The following SNTG1 variants were observed in gnomAD, a reference collection of about 807,000 sequenced individuals.
SNTG1 encodes syntrophin gamma 1.
A neutral mutation model predicts 74.7 loss-of-function variants in SNTG1; 39 were observed. The ratio of observed to expected loss-of-function variants is 0.52; its 90% confidence interval spans 0.40 to 0.68. The LOEUF is 0.68. SNTG1 is among the 30% of genes least tolerant of loss of function. The pLI, the probability that SNTG1 is intolerant of heterozygous loss-of-function variation, is 0.00. For missense variants in SNTG1, 685 were observed against 609.5 expected (o/e 1.12, Z -1.30); for synonymous variants, 254 against 217.1 (o/e 1.17, Z -1.49).
At chr8:50,070,130 A>G (rs1249106666) in intron 1 of SNTG1, among the ~76,000 whole-genome samples, 2 of 152,212 alleles carry the variant, frequency 1.3e-5, no homozygotes. Flanking sequence ...TTAATAAGGT[A>G]TTTTAATGCA....
chr8:50,530,433 T>G (rs560764256), intron 10 of SNTG1, among the ~76,000 whole-genome samples, 174 bp downstream of exon 10: 1 of 152,310 alleles, frequency 6.6e-6, no homozygotes, highest in East Asian at 1.9e-4. Flanking sequence ...ATGCCATTTT[T>G]TTCCCCTCTC....
chr8:50,755,497 C>A (rs2131715359), intron 18 of SNTG1, among the ~76,000 whole-genome samples: 1 of 151,864 alleles, frequency 6.6e-6, no homozygotes, highest in African/African-American at 2.4e-5. Flanking sequence ...TTTATTTATC[C>A]ATTCACCTAC....
intron 1 of SNTG1, among the ~76,000 whole-genome samples, chr8:49,923,687 A>G (rs569036299): frequency 6.6e-6 from 1 of 152,252 alleles, no homozygotes; most frequent in East Asian, 1.9e-4. Flanking sequence ...AAACAACTGG[A>G]ACAAATCCAA....
chr8:50,684,834 C>T (rs1453322713), intron 15 of SNTG1, among the ~76,000 whole-genome samples: 1 of 149,986 alleles, frequency 6.7e-6, no homozygotes, highest in Non-Finnish European at 1.5e-5. Context: ...TGCGCTGCAC[C>T]CACTAACTCG....
chr8:50,430,044 G>A (rs926951763), intron 4 of SNTG1, among the ~76,000 whole-genome samples: 1 of 152,190 alleles, frequency 6.6e-6, no homozygotes, highest in South Asian at 2.1e-4. Flanking sequence ...AAAACAGTCT[G>A]ACAATTCCCA....
Position 50,785,949 on chromosome 8 carries a change from A to G in SNTG1, c.1396-6722A>G, listed in dbSNP as rs1490337077. ...TCATAGATTCAAAAATAAGAAAAAA[A>G]TAAATACCATTTCATAATAAGTATA... On this transcript the variant is annotated intron_variant, in intron 18 of 18. Transcript: ENST00000642720. Among the ~76,000 whole-genome samples the G allele has an allele frequency of 3.9e-5, 6 of 152,050 alleles. No individual in the cohort carries two copies. The East Asian group carries it at 1.2e-3, about 29-fold the overall frequency.
chr8:50,052,885 A>T (rs1330647782), intron 1 of SNTG1, among the ~76,000 whole-genome samples: 1 of 152,168 alleles, frequency 6.6e-6, no homozygotes, highest in Non-Finnish European at 1.5e-5. Context: ...GTCCACTAGG[A>T]TGGCCATTGC....
Position 50,794,559 on chromosome 8 carries a change from A to G in SNTG1, c.*1730A>G, listed in dbSNP as rs950138642. 1.3e-5 allele frequency: 2 copies of G among 152,044 alleles called. No individual in the cohort carries two copies. Among genetic ancestry groups the G allele is most frequent in the Non-Finnish European group, 2.9e-5 (2 of 67,956 alleles). 9.4% of individuals were successfully genotyped at this position (152,044 alleles called of 1,614,324 possible). ...TAGAACTTTAGAATTATTGCACACT[A>G]TATTGATCAAATACAACAGTCATTG... On this transcript the variant is annotated 3_prime_UTR_variant, in exon 19 of 19. Transcript: ENST00000642720.
At chr8:50,100,389 TTATTA>T (rs1205070547) in intron 1 of SNTG1, among the ~76,000 whole-genome samples, 1 of 151,982 alleles carries the variant, frequency 6.6e-6, no homozygotes, top group Non-Finnish European at 1.5e-5. Flanking sequence ...TAACAATAAT[TTATTA>T]TATACTTTCA....
intron 15 of SNTG1, among the ~76,000 whole-genome samples, chr8:50,663,414 G>A (rs2095235021): frequency 6.6e-6 from 1 of 152,132 alleles, no homozygotes; most frequent in African/African-American, 2.4e-5. Context: ...GGGCCAGAGG[G>A]GAGTGCTCCT....
intron 18 of SNTG1, among the ~76,000 whole-genome samples, chr8:50,777,915 A>C (rs1341385249): frequency 6.6e-6 from 1 of 151,522 alleles, no homozygotes; most frequent in Non-Finnish European, 1.5e-5. Context: ...ATGTGATCTC[A>C]TTGTTCAATT....
intron 13 of SNTG1, among the ~76,000 whole-genome samples, chr8:50,607,132 T>C (rs2094818482): frequency 6.6e-6 from 1 of 151,912 alleles, no homozygotes; most frequent in South Asian, 2.1e-4. Context: ...TATTTTTTAC[T>C]TTTTATTTTA....
At chr8:50,325,093 T>C (rs932056947) in intron 2 of SNTG1, among the ~76,000 whole-genome samples, 2 of 149,742 alleles carry the variant, frequency 1.3e-5, no homozygotes, top group East Asian at 3.9e-4. Flanking sequence ...TATACATATA[T>C]AAATATATAT....
At chr8:50,393,517 T>C (rs1272948213) in intron 2 of SNTG1, among the ~76,000 whole-genome samples, 1 of 152,196 alleles carries the variant, frequency 6.6e-6, no homozygotes, top group African/African-American at 2.4e-5. Context: ...TTCCGTGACA[T>C]ATCTTAGTTT....
intron 1 of SNTG1, among the ~76,000 whole-genome samples, chr8:49,962,198 A>T (rs1008549192): frequency 6.6e-6 from 1 of 152,042 alleles, no homozygotes; most frequent in Non-Finnish European, 1.5e-5. Flanking sequence ...GAGCTTCATA[A>T]TCAGATGAGG....
At chr8:50,314,905 G>T (rs1409271362) in intron 2 of SNTG1, among the ~76,000 whole-genome samples, 1 of 149,580 alleles carries the variant, frequency 6.7e-6, no homozygotes, top group African/African-American at 2.5e-5. Context: ...TCTACTAGGT[G>T]ATCATTACCT....
chr8:50,471,212 A>G (rs955694359), intron 8 of SNTG1, among the ~76,000 whole-genome samples: 2 of 150,516 alleles, frequency 1.3e-5, no homozygotes, highest in Non-Finnish European at 2.9e-5. Flanking sequence ...CGTGGTAGAA[A>G]CATCCCAAGC....
At chr8:50,221,423 C>T (rs2085060347) in intron 2 of SNTG1, among the ~76,000 whole-genome samples, 1 of 150,770 alleles carries the variant, frequency 6.6e-6, no homozygotes, top group Non-Finnish European at 1.5e-5. Context: ...ATCAACGTGG[C>T]AAAATATTAA....
intron 15 of SNTG1, among the ~76,000 whole-genome samples, chr8:50,671,219 T>C (rs1037421507): frequency 2.2e-4 from 33 of 152,056 alleles, no homozygotes; most frequent in African/African-American, 7.5e-4. Flanking sequence ...AAAGAGCTTC[T>C]GCACAGCAAA....
Sources: gnomAD v4.1 joint callset for allele counts (sites outside exome capture counted in the v4.1 genomes callset) on GRCh38, gnomAD v4.1.1 for gene constraint, MANE v1.5 for transcripts, NCBI Gene and HGNC (gene_info 2026-07-23, HGNC 2026-07-21) for gene names.